Variants in PSMF1 observed in about 807,000 individuals in gnomAD.
PSMF1 encodes proteasome inhibitor subunit 1.
A neutral mutation model predicts 29.3 loss-of-function variants in PSMF1; 30 were observed. That is an observed-to-expected ratio of 1.02 (90% confidence interval 0.77 to 1.39). The LOEUF (loss-of-function observed/expected upper bound fraction) is 1.39. Among genes scored for constraint, PSMF1 ranks in the 40% most tolerant of loss-of-function variants. PSMF1 has a pLI of 0.00. For missense variants in PSMF1, 344 were observed against 357.5 expected (o/e 0.96, Z 0.31); for synonymous variants, 134 against 139.7 (o/e 0.96, Z 0.29).
At chr20:1,154,045 G>A (rs2086564372) in intron 4 of PSMF1, among the ~76,000 whole-genome samples, 1 of 152,178 alleles carries the variant, frequency 6.6e-6, no homozygotes, top group African/African-American at 2.4e-5. Flanking sequence ...TGCTTCACTT[G>A]AGTATGTATT....
At position 1,164,300 on chromosome 20, in the gene PSMF1, C is replaced by T; in HGVS notation, c.606-18C>T. The T allele has an allele frequency of 6.2e-7, 1 of 1,609,684 alleles. No individual in the cohort carries two copies. The highest frequency in any genetic ancestry group is 1.3e-5 in the African/African-American group (1 of 74,938). ...GTCCTTGCCACACCTGCTTACCTAA[C>T]TTTTCTTCTTGCCTCAGGCCTCGGA... is the stretch of plus-strand genomic sequence containing the variant. On this transcript the variant is annotated intron_variant, in intron 5 of 6. Transcript: ENST00000335877. This position sits in a 1 kb window ranked among gnomAD's most constrained non-coding sequence, Gnocchi z 4.1.
intron 4 of PSMF1, among the ~76,000 whole-genome samples, chr20:1,140,747 C>T (rs555944714): frequency 2.0e-5 from 3 of 152,186 alleles, no homozygotes; most frequent in South Asian, 4.1e-4. Flanking sequence ...AGAGCTCTTA[C>T]GACTGAACAA....
Position 1,125,407 on chromosome 20 carries a change from AG to A in PSMF1, c.130-89del, listed in dbSNP as rs1392697311. The A allele has an allele frequency of 3.8e-6, 5 of 1,322,284 alleles. No individual in the cohort carries two copies. The East Asian group carries it at 7.4e-5, about 20-fold the overall frequency. The allele number at this position is 1,322,284 out of a possible 1,614,324, so 81.9% of individuals were successfully genotyped here. A position where few individuals can be genotyped will look rare whatever the true frequency, so the allele number is the denominator to read the frequency against. ...CCTCCACATCTTCATCTGTGAAGTG[AG>A]GTGGGTAAGATTAGCTTATCTCGTG... On this transcript the variant is annotated intron_variant, in intron 1 of 6. Coordinates refer to ENST00000335877, the MANE Select transcript of PSMF1 (RefSeq NM_006814.5).
At position 1,127,528 on chromosome 20, in the gene PSMF1, C is replaced by T. The variant is rs148490400; in HGVS notation, c.365+20C>T. The stretch of plus-strand genomic sequence containing the variant: ...CCACAGGTACTTCTAAATGATGTCT[C>T]TTCCCTGGGAAAAAGAAGAGAGAAC... On this transcript the variant is annotated intron_variant, in intron 3 of 6. Coordinates refer to ENST00000335877, the MANE Select transcript of PSMF1 (RefSeq NM_006814.5). 3.1e-4 allele frequency: 477 copies of T among 1,543,138 alleles called. 2 individuals carry two copies. In the African/African-American group the frequency reaches 5.7e-3, roughly 18 times the overall value.
intron 1 of PSMF1, among the ~76,000 whole-genome samples, chr20:1,122,530 A>G (rs1215316963): frequency 6.6e-6 from 1 of 151,930 alleles, no homozygotes; most frequent in Non-Finnish European, 1.5e-5. Context: ...GAACTCCTGA[A>G]TGCAAGTGAT....
chr20:1,132,116 CTA>C (rs2086237452), intron 3 of PSMF1, among the ~76,000 whole-genome samples: 1 of 152,112 alleles, frequency 6.6e-6, no homozygotes. Context: ...CCATTGATCT[CTA>C]TGTCTCTTCC....
At position 1,125,660 on chromosome 20, in the gene PSMF1, T is replaced by C. The variant is rs774526828; in HGVS notation, c.282+10T>C. 9.3e-6 allele frequency: 15 copies of C among 1,606,002 alleles called. No homozygotes were observed. The highest frequency in any genetic ancestry group is 1.7e-4 in the Middle Eastern group (1 of 5,940). Reference sequence around the variant, plus strand: ...GATCCTCAATGTGCTGGTGAGTCTCTGGGACACGTGAGTCTGCTGATGAGA... The same window carrying C: ...GATCCTCAATGTGCTGGTGAGTCTCCGGGACACGTGAGTCTGCTGATGAGA... On this transcript the variant is annotated intron_variant, in intron 2 of 6. Transcript: ENST00000335877.
chr20:1,116,138 G>A (rs1392856510), upstream of PSMF1, among the ~76,000 whole-genome samples: 1 of 151,890 alleles, frequency 6.6e-6, no homozygotes, highest in Non-Finnish European at 1.5e-5. Flanking sequence ...CTGCCACTAA[G>A]TAGGCACCTT....
intron 4 of PSMF1, among the ~76,000 whole-genome samples, chr20:1,159,624 G>C (rs999240252): frequency 1.3e-5 from 2 of 152,164 alleles, no homozygotes; most frequent in Admixed American, 6.5e-5. Context: ...CACTCTGGGC[G>C]GGGGGGCACT....
rs1042511498 is a variant in PSMF1, at chr20:1,164,980, C to T, written c.765-49C>T. ...TGCAGGGTCATGTCTGCCCATGTTC[C>T]CCTGGTCTCTCCATCACTCCAACTC... is the stretch of plus-strand genomic sequence containing the variant. On this transcript the variant is annotated intron_variant, in intron 6 of 6. Coordinates refer to ENST00000335877, the MANE Select transcript of PSMF1 (RefSeq NM_006814.5). This position sits in a 1 kb window ranked among gnomAD's most constrained non-coding sequence, Gnocchi z 4.1. The T allele has an allele frequency of 4.0e-6, 6 of 1,509,914 alleles. No homozygotes were observed. The African/African-American group carries it at 6.9e-5, about 17-fold the overall frequency. 93.5% of individuals were successfully genotyped at this position (1,509,914 alleles called of 1,614,324 possible).
Position 1,166,353 on chromosome 20 carries a change from A to G in PSMF1, c.*1273A>G, listed in dbSNP as rs1260959022. On this transcript the variant is annotated 3_prime_UTR_variant, in exon 7 of 7. Transcript: ENST00000335877. ...CTTCCGCTCTGCAGCTAGCATTTCA[A>G]CCATATGTGGATCCTTTCATTTCTC... 1.6e-6 allele frequency: 2 copies of G among 1,249,646 alleles called. No individual in the cohort carries two copies. Among genetic ancestry groups the G allele is most frequent in the Non-Finnish European group, 2.3e-6 (2 of 868,020 alleles). The allele number at this position is 1,249,646 out of a possible 1,614,324, so 77.4% of individuals were successfully genotyped here.
intron 4 of PSMF1, among the ~76,000 whole-genome samples, chr20:1,157,271 C>T (rs2086605729): frequency 6.6e-6 from 1 of 152,212 alleles, no homozygotes; most frequent in Non-Finnish European, 1.5e-5. Flanking sequence ...CCCTCACAGA[C>T]ACACCCAGGA....
chr20:1,152,581 G>T (rs1270493692), intron 4 of PSMF1, among the ~76,000 whole-genome samples: 1 of 152,112 alleles, frequency 6.6e-6, no homozygotes. Context: ...TACAAGGGAG[G>T]GACTTCATAT....
rs748009139 is a variant in PSMF1, at chr20:1,165,056, G to A, written c.792G>A (p.Pro264=). The change falls in exon 7 of 7, where the codon CCG becomes CCA. Residue 264 remains proline (P), a synonymous_variant. Transcript: ENST00000335877. ...CTAACCCAGACCATCTCCCCCCGCC[G>A]GGCTACGATGACATGTACCTGTGAA... ...PGPNPDHLPP[P]GYDDMYL is the part of the protein sequence containing the mutation. 11 of 1,613,854 alleles carry A rather than the reference G, an allele frequency of 6.8e-6. No homozygotes were observed. The highest frequency in any genetic ancestry group is 6.7e-5 in the East Asian group (3 of 44,870).
intron 3 of PSMF1, among the ~76,000 whole-genome samples, chr20:1,128,660 T>C (rs997192312): frequency 6.6e-6 from 1 of 152,106 alleles, no homozygotes; most frequent in Non-Finnish European, 1.5e-5. Flanking sequence ...TTAAGCTGAT[T>C]TATGTCTGCT....
intron 1 of PSMF1, among the ~76,000 whole-genome samples, chr20:1,122,780 G>A (rs538772696): frequency 1.3e-5 from 2 of 152,318 alleles, no homozygotes; most frequent in South Asian, 2.1e-4. Flanking sequence ...AACATCAATT[G>A]CACTGCAGTT....
chr20:1,154,543 A>G (rs2086570000), intron 4 of PSMF1, among the ~76,000 whole-genome samples: 1 of 152,222 alleles, frequency 6.6e-6, no homozygotes, highest in Admixed American at 6.5e-5. Flanking sequence ...TAGCTGGACA[A>G]AGTTAATAAA....
intron 3 of PSMF1, among the ~76,000 whole-genome samples, chr20:1,133,569 A>ATATATATATATTTTTTT: frequency 6.2e-4 from 33 of 53,280 alleles, no homozygotes; most frequent in Non-Finnish European, 1.3e-3. Context: ...ATATATATAT[A>ATATATATATATTTTTTT]TTTTTTTTTT....
chr20:1,115,654 A>G (rs888630391), upstream of PSMF1, among the ~76,000 whole-genome samples: 15 of 152,312 alleles, frequency 9.8e-5, no homozygotes, highest in African/African-American at 3.6e-4. Flanking sequence ...TTGACCTTGT[A>G]ATCCCACAGA....
Sources: allele counts gnomAD v4.1 joint callset (sites outside exome capture counted in the v4.1 genomes callset), GRCh38; gene constraint gnomAD v4.1.1; non-coding constraint Gnocchi (gnomAD v3.1); transcripts MANE v1.5; gene names NCBI Gene and HGNC (gene_info 2026-07-23, HGNC 2026-07-21).